The following RIPOR2 variants were observed in gnomAD, a reference collection of about 807,000 sequenced individuals.
RIPOR2 encodes the protein rho family-interacting cell polarization regulator 2.
In RIPOR2, 39 loss-of-function variants were observed where a neutral mutation model predicts 114.5. That is an observed-to-expected ratio of 0.34 (90% CI 0.26 to 0.44). The LOEUF is 0.44. Ranked by LOEUF, RIPOR2 falls within the 20% of genes least tolerant of loss-of-function variation. The pLI is 1.00. For missense variants in RIPOR2, 1,007 were observed against 1,255.1 expected (o/e 0.80, Z 2.99); for synonymous variants, 445 against 484.4 (o/e 0.92, Z 1.07).
Position 24,831,909 on chromosome 6 carries a change from T to C in RIPOR2, c.2344+347A>G, listed in dbSNP as rs1471947053. Among the ~76,000 whole-genome samples, 5 of 152,304 alleles carry C rather than the reference T, an allele frequency of 3.3e-5. No homozygotes were observed. The East Asian group carries it at 7.7e-4, about 23-fold the overall frequency. On this transcript the variant is annotated intron_variant, in intron 16 of 21. Coordinates refer to ENST00000643898, the MANE Select transcript of RIPOR2 (RefSeq NM_001286445.3). ...TTGACAGTCACTACAGGAGTTGTCT[T>C]AGCCACCTCCAGGGTGCAAGAGCAT...
At chr6:24,866,916 C>G (rs1316936632) in intron 6 of RIPOR2, among the ~76,000 whole-genome samples, 6 of 152,110 alleles carry the variant, frequency 3.9e-5, no homozygotes, top group Admixed American at 3.9e-4. Context: ...GATGCATATA[C>G]TAGATTTCAG....
intron 6 of RIPOR2, among the ~76,000 whole-genome samples, chr6:24,868,860 C>T (rs1009709298): frequency 6.6e-6 from 1 of 152,206 alleles, no homozygotes; most frequent in African/African-American, 2.4e-5. Flanking sequence ...TTACTTAGCA[C>T]TTAATAAATG....
rs1294078725 is a variant in RIPOR2 at position 24,865,366 on chromosome 6, G to A, written c.586C>T (p.Pro196Ser). Residue 196 changes from proline (P) to serine (S), a missense_variant, in exon 7 of 22, where the codon CCT (proline) becomes TCT (serine). Physicochemically the swap from Pro to Ser is moderately conservative, Grantham distance 74. Transcript: ENST00000643898. ...SKMKQAFATSPASKAARESLT... is the reference protein window; with the variant it reads ...SKMKQAFATSSASKAARESLT... ...CTCTCCCGGGCAGCTTTGCTGGCAG[G>A]GGATGTTGCGAAGGCTTGCTTCATT... 6.2e-7 allele frequency: 1 copy of A among 1,613,658 alleles called. No individual in the cohort carries two copies. Among genetic ancestry groups the A allele is most frequent in the Non-Finnish European group, 8.5e-7 (1 of 1,179,708 alleles).
intron 13 of RIPOR2, among the ~76,000 whole-genome samples, chr6:24,842,350 A>T (rs931303052): frequency 6.6e-6 from 1 of 152,176 alleles, no homozygotes; most frequent in Non-Finnish European, 1.5e-5. Context: ...GCTCTAGAGT[A>T]GAATGGATGA....
intron 1 of RIPOR2, among the ~76,000 whole-genome samples, chr6:25,034,175 A>G (rs187683451): frequency 7.2e-5 from 11 of 152,042 alleles, no homozygotes; most frequent in Non-Finnish European, 1.6e-4. Context: ...ATTCTAGATG[A>G]CTTTCTCTCT....
intron 21 of RIPOR2, among the ~76,000 whole-genome samples, chr6:24,807,763 C>T (rs1172897168): frequency 2.0e-5 from 3 of 152,094 alleles, no homozygotes; most frequent in Admixed American, 6.5e-5. Context: ...GTTAAAATGT[C>T]GAAATCATTC....
intron 1 of RIPOR2, among the ~76,000 whole-genome samples, chr6:24,992,572 A>G (rs763343175): frequency 6.6e-6 from 1 of 152,238 alleles, no homozygotes; most frequent in Non-Finnish European, 1.5e-5. Context: ...AAATCAGAGA[A>G]GACACAAATA....
In RIPOR2 at chr6:24,883,915, A is replaced by G. The variant is rs1280160606; in HGVS notation, c.62-8098T>C. ...ACATCGTGGTCAAAAGCAGATGTAT[A>G]ATTGACTTGTCTGAAAGAGGCATGT... On this transcript the variant is annotated intron_variant, in intron 1 of 21. Coordinates refer to ENST00000643898, the MANE Select transcript of RIPOR2 (RefSeq NM_001286445.3). The surrounding 1 kb of genome is among the most constrained non-coding windows in gnomAD (Gnocchi z 4.1). Among the ~76,000 whole-genome samples the G allele has an allele frequency of 6.6e-6, 1 of 152,204 alleles. No homozygotes were observed. The highest frequency in any genetic ancestry group is 2.4e-5 in the African/African-American group (1 of 41,446).
intron 1 of RIPOR2, among the ~76,000 whole-genome samples, chr6:24,927,477 A>G (rs1397871366): frequency 6.6e-6 from 1 of 152,062 alleles, no homozygotes; most frequent in African/African-American, 2.4e-5. Context: ...CATCACCATA[A>G]CCACCACTAC....
chr6:24,856,266 A>G (rs1286584092), intron 8 of RIPOR2, among the ~76,000 whole-genome samples: 1 of 152,214 alleles, frequency 6.6e-6, no homozygotes, highest in East Asian at 1.9e-4. Flanking sequence ...AATAATTAGA[A>G]CACAACAACC....
chr6:24,935,032 G>A (rs1771664051), intron 1 of RIPOR2, among the ~76,000 whole-genome samples: 1 of 152,168 alleles, frequency 6.6e-6, no homozygotes, highest in East Asian at 1.9e-4. Context: ...CCCAGGCCGG[G>A]CATGGTAGCT....
intron 1 of RIPOR2, among the ~76,000 whole-genome samples, chr6:24,986,046 G>C (rs542223645): frequency 6.6e-6 from 1 of 152,326 alleles, no homozygotes; most frequent in African/African-American, 2.4e-5. Flanking sequence ...GGGAAGCACT[G>C]TTCAAACTTC....
intron 13 of RIPOR2, among the ~76,000 whole-genome samples, chr6:24,842,411 T>C (rs1443412043): frequency 1.3e-5 from 2 of 152,152 alleles, no homozygotes; most frequent in Admixed American, 6.5e-5. Context: ...TTTGGACCAA[T>C]TGTGAGAGCA....
At chr6:24,918,195 C>T (rs561429425) in intron 1 of RIPOR2, among the ~76,000 whole-genome samples, 1 of 152,314 alleles carries the variant, frequency 6.6e-6, no homozygotes, top group South Asian at 2.1e-4. Flanking sequence ...CCAGTATCCC[C>T]TGCATCCCCA....
chr6:24,958,953 A>ATTTTTTTT (rs552726204), intron 1 of RIPOR2, among the ~76,000 whole-genome samples: 1 of 11,302 alleles, frequency 8.8e-5, no homozygotes, highest in African/African-American at 2.5e-4. Flanking sequence ...CAAGCTCTAC[A>ATTTTTTTT]TTTTCTTTTT....
At chr6:24,866,389 T>C (rs184376666) in intron 6 of RIPOR2, among the ~76,000 whole-genome samples, 1 of 152,314 alleles carries the variant, frequency 6.6e-6, no homozygotes, top group East Asian at 1.9e-4. Context: ...CAAGGCAATT[T>C]TGACCCCCAG....
chr6:24,808,715 T>G (rs1780932246), intron 21 of RIPOR2, among the ~76,000 whole-genome samples: 2 of 151,834 alleles, frequency 1.3e-5, no homozygotes, highest in Admixed American at 6.6e-5. Flanking sequence ...ACTTTAAGAT[T>G]GTGTTGTTGA....
Position 24,976,436 on chromosome 6 carries a change from G to T in RIPOR2, c.76+65415C>A, listed in dbSNP as rs192013374. ...TATTAGCCATGGTCAACCCCACCAT[G>T]TTCTTCGACATTGCCGTCGACGGTG... On this transcript the variant is annotated intron_variant, in intron 1 of 13. Coordinates refer to the RIPOR2 transcript ENST00000510784. The T allele has an allele frequency of 1.2e-5, 18 of 1,562,432 alleles. No homozygotes were observed. In the East Asian group the frequency reaches 4.0e-4, roughly 35 times the overall value.
chr6:24,960,527 T>C (rs57868523), intron 1 of RIPOR2, among the ~76,000 whole-genome samples: 15,686 of 152,194 alleles, frequency 0.1, 1,667 homozygotes, highest in African/African-American at 0.26. Context: ...TTGAATTTTT[T>C]GTTTGTTTGT....
Sources: gnomAD v4.1 joint callset for allele counts (sites outside exome capture counted in the v4.1 genomes callset) on GRCh38, gnomAD v4.1.1 for gene constraint, Gnocchi (gnomAD v3.1) non-coding constraint, MANE v1.5 for transcripts, NCBI Gene and HGNC (gene_info 2026-07-23, HGNC 2026-07-21) for gene names.